FAM135B: variants seen among roughly 807,000 people sequenced by gnomAD.
FAM135B encodes the protein protein FAM135B.
A neutral mutation model predicts 127.7 loss-of-function variants in FAM135B; 43 were observed. The observed-to-expected ratio is 0.34, with a 90% CI of 0.26 to 0.43. FAM135B has a LOEUF of 0.43. Ranked by LOEUF, FAM135B falls within the 20% of genes least tolerant of loss-of-function variation. The pLI is 1.00. For synonymous variants in FAM135B, 670 were observed against 665.1 expected, an observed-to-expected ratio of 1.01 and a Z score of -0.11; for missense variants, 1,558 against 1,725.6, an observed-to-expected ratio of 0.90 and a Z score of 1.72.
chr8:138,154,155 T>C (rs972593788), intron 12 of FAM135B, among the ~76,000 whole-genome samples: 5 of 152,318 alleles, frequency 3.3e-5, no homozygotes, highest in Middle Eastern at 3.4e-3. Context: ...CAGCCTCCAC[T>C]GGTGATACCC....
At chr8:138,146,641 G>A (rs1817680780) in intron 14 of FAM135B, among the ~76,000 whole-genome samples, 1 of 151,986 alleles carries the variant, frequency 6.6e-6, no homozygotes, top group Admixed American at 6.6e-5. Context: ...GGTTAAGAAT[G>A]CAAGGTTATC....
intron 1 of FAM135B, among the ~76,000 whole-genome samples, chr8:138,449,143 A>G (rs777607626): frequency 3.9e-5 from 6 of 152,222 alleles, no homozygotes; most frequent in Non-Finnish European, 8.8e-5. Flanking sequence ...CTAAGCACCA[A>G]GGATACAGGA....
At chr8:138,350,406 G>T (rs141846353) in intron 2 of FAM135B, among the ~76,000 whole-genome samples, 178 of 152,180 alleles carry the variant, frequency 1.2e-3, no homozygotes, top group Non-Finnish European at 1.7e-3. Flanking sequence ...TCCTTTTGAT[G>T]CATGAAAGGA....
intron 1 of FAM135B, among the ~76,000 whole-genome samples, chr8:138,479,337 T>C (rs1326561819): frequency 6.6e-6 from 1 of 152,102 alleles, no homozygotes; most frequent in African/African-American, 2.4e-5. Flanking sequence ...ATCCTGGAGG[T>C]TGGGAGGCCG....
At chr8:138,371,389 A>C (rs1271825201) in intron 1 of FAM135B, among the ~76,000 whole-genome samples, 4 of 152,114 alleles carry the variant, frequency 2.6e-5, no homozygotes, top group African/African-American at 9.7e-5. Flanking sequence ...GCATTGATAA[A>C]ACACACACAC....
chr8:138,278,516 C>G (rs932196799), intron 3 of FAM135B, among the ~76,000 whole-genome samples: 1 of 148,076 alleles, frequency 6.8e-6, no homozygotes, highest in African/African-American at 2.5e-5. Context: ...TGGGGGAGAA[C>G]TGAAAGGTTC....
intron 1 of FAM135B, among the ~76,000 whole-genome samples, chr8:138,461,033 G>T (rs973074502): frequency 5.3e-5 from 8 of 152,208 alleles, no homozygotes; most frequent in African/African-American, 1.9e-4. Context: ...AAGGGAACCG[G>T]TGAGATAAGG....
At chr8:138,426,565 T>C (rs1486306775) in intron 1 of FAM135B, among the ~76,000 whole-genome samples, 1 of 151,248 alleles carries the variant, frequency 6.6e-6, no homozygotes, top group African/African-American at 2.4e-5. Context: ...TTAAAAGACA[T>C]GTATGAGAAT....
At chr8:138,425,772 G>A (rs1450665620) in intron 1 of FAM135B, among the ~76,000 whole-genome samples, 2 of 151,668 alleles carry the variant, frequency 1.3e-5, no homozygotes, top group East Asian at 3.9e-4. Flanking sequence ...TGTTGGTCAG[G>A]TACTGTCCTA....
At chr8:138,383,885 T>C (rs1563956270) in intron 1 of FAM135B, among the ~76,000 whole-genome samples, 3 of 152,216 alleles carry the variant, frequency 2.0e-5, no homozygotes, top group Admixed American at 6.5e-5. Flanking sequence ...TTGGTTCCCA[T>C]TCCCTTTGGT....
chr8:138,381,759 T>A (rs1240298845), intron 1 of FAM135B, among the ~76,000 whole-genome samples: 1 of 152,204 alleles, frequency 6.6e-6, no homozygotes, highest in Non-Finnish European at 1.5e-5. Flanking sequence ...ACCCGTCTTA[T>A]TTTGAATGCA....
intron 1 of FAM135B, among the ~76,000 whole-genome samples, chr8:138,413,114 T>A (rs983638887): frequency 4.6e-5 from 7 of 152,228 alleles, no homozygotes; most frequent in African/African-American, 1.7e-4. Flanking sequence ...TCTTATAGCC[T>A]CTTTCTTATC....
intron 1 of FAM135B, among the ~76,000 whole-genome samples, chr8:138,447,150 AAAC>A (rs1217616461): frequency 6.6e-6 from 1 of 152,082 alleles, no homozygotes; most frequent in Admixed American, 6.6e-5. Flanking sequence ...AAAAGTCAGG[AAAC>A]AACAGGTGCT....
chr8:138,202,366 C>T (rs1817207359), intron 7 of FAM135B, among the ~76,000 whole-genome samples: 3 of 152,074 alleles, frequency 2.0e-5, no homozygotes, highest in Admixed American at 2.0e-4. Flanking sequence ...CCTTCCACTC[C>T]AGTCTCCTGA....
At chr8:138,423,480 G>C (rs888993883) in intron 1 of FAM135B, among the ~76,000 whole-genome samples, 3 of 152,142 alleles carry the variant, frequency 2.0e-5, no homozygotes, top group Non-Finnish European at 4.4e-5. Context: ...CATGTCGGTA[G>C]GTTCCGTGAT....
At chr8:138,384,383 T>C (rs960875184) in intron 1 of FAM135B, among the ~76,000 whole-genome samples, 1 of 138,376 alleles carries the variant, frequency 7.2e-6, no homozygotes, top group African/African-American at 2.8e-5. Context: ...TATTTATTTA[T>C]TTACCCATTT....
chr8:138,148,503 C>T lies in FAM135B; in HGVS notation c.3448+17G>A. On this transcript the variant is annotated intron_variant, in intron 14 of 19. Coordinates refer to ENST00000395297, the MANE Select transcript of FAM135B (RefSeq NM_015912.4). ...TATATGACAGAATTTGGGAAGAAAA[C>T]TTGTTTTAGAACTCACCATCCAGGC... 9 of 1,607,520 alleles carry T rather than the reference C, an allele frequency of 5.6e-6. No individual in the cohort carries two copies. Among genetic ancestry groups the T allele is most frequent in the Non-Finnish European group, 7.6e-6 (9 of 1,177,372 alleles).
chr8:138,447,812 A>AT (rs1486488989), intron 1 of FAM135B, among the ~76,000 whole-genome samples: 2 of 150,142 alleles, frequency 1.3e-5, no homozygotes, highest in Non-Finnish European at 3.0e-5. Context: ...TATAATAATA[A>AT]AAAAAAAAAG....
chr8:138,153,642 C>T (rs186282988), intron 12 of FAM135B, among the ~76,000 whole-genome samples: 43 of 152,318 alleles, frequency 2.8e-4, no homozygotes, highest in Middle Eastern at 3.4e-3. Flanking sequence ...AGATTATATC[C>T]CGCACCTGGC....
Sources: gnomAD v4.1 joint callset for allele counts (sites outside exome capture counted in the v4.1 genomes callset) on GRCh38, gnomAD v4.1.1 for gene constraint, MANE v1.5 for transcripts, NCBI Gene and HGNC (gene_info 2026-07-23, HGNC 2026-07-21) for gene names.